KCNG3: variants seen among roughly 807,000 people sequenced by gnomAD.
The protein encoded by KCNG3 is potassium voltage-gated channel modifier subfamily G member 3.
KCNG3 carries 15 observed loss-of-function variants against 29.0 expected under a neutral mutation model. The ratio of observed to expected loss-of-function variants is 0.52; its 90% CI spans 0.35 to 0.80. The LOEUF is 0.80. Ranked by LOEUF, KCNG3 falls within the 30% of genes least tolerant of loss-of-function variation. The pLI, the probability that KCNG3 is intolerant of heterozygous loss-of-function variation, is 0.01. For synonymous variants in KCNG3, 322 were observed against 248.9 expected, an observed-to-expected ratio of 1.29 and a Z score of -2.76; for missense variants, 512 against 605.7, an observed-to-expected ratio of 0.85 and a Z score of 1.62.
chr2:42,423,817 A>AG, the KCNG3 span, among the ~76,000 whole-genome samples: 1 of 152,142 alleles, frequency 6.6e-6, no homozygotes, highest in Non-Finnish European at 1.5e-5. Flanking sequence ...AAAAAAAAAA[A>AG]AAGCAGATGA....
intron 1 of KCNG3, among the ~76,000 whole-genome samples, chr2:42,482,378 A>G (rs1673609269): frequency 6.6e-6 from 1 of 152,180 alleles, no homozygotes; most frequent in Admixed American, 6.5e-5. Context: ...CAGAAGTTCA[A>G]GACCAGAATG....
rs975880990 is a variant in KCNG3, at chr2:42,485,114, C to G, written c.665+7723G>C. On this transcript the variant is annotated intron_variant, in intron 1 of 1. Coordinates refer to ENST00000306078, the MANE Select transcript of KCNG3 (RefSeq NM_133329.6). ...CCATCACCTGGTGTTTCATTTTGATCATTTAATTTTTTTAATTGAGGATTA... is the reference window on the plus strand; with the variant it reads ...CCATCACCTGGTGTTTCATTTTGATGATTTAATTTTTTTAATTGAGGATTA... Among the ~76,000 whole-genome samples, 7 of 152,150 alleles carry G rather than the reference C, an allele frequency of 4.6e-5. No individual in the cohort carries two copies. The East Asian group carries it at 1.4e-3, about 29-fold the overall frequency.
intron 1 of KCNG3, among the ~76,000 whole-genome samples, chr2:42,485,601 T>C (rs368399610): frequency 1.3e-4 from 20 of 152,222 alleles, no homozygotes; most frequent in African/African-American, 4.8e-4. Flanking sequence ...CCCGCCACCA[T>C]GCCTAGCTAA....
the KCNG3 span, among the ~76,000 whole-genome samples, chr2:42,400,229 A>G: frequency 6.6e-6 from 1 of 152,180 alleles, no homozygotes; most frequent in Non-Finnish European, 1.5e-5. Context: ...ATGAAGCCCA[A>G]TTGGAAGGAA....
At chr2:42,437,939 C>A (rs1203833373), downstream of KCNG3, among the ~76,000 whole-genome samples, 7 of 74,834 alleles carry the variant, frequency 9.4e-5, no homozygotes, top group African/African-American at 1.4e-4. Flanking sequence ...ACTCTGTCTC[C>A]AAAAAAAAAA....
At chr2:42,465,564 A>C (rs1350578390) in intron 1 of KCNG3, among the ~76,000 whole-genome samples, 1 of 152,170 alleles carries the variant, frequency 6.6e-6, no homozygotes, top group Non-Finnish European at 1.5e-5. Context: ...GTGACTGAGC[A>C]AGTAGGCAAA....
the KCNG3 span, among the ~76,000 whole-genome samples, chr2:42,394,857 A>G: frequency 6.6e-6 from 1 of 152,210 alleles, no homozygotes; most frequent in Admixed American, 6.5e-5. Flanking sequence ...AACTTTCTAA[A>G]TTAATTGAGA....
chr2:42,404,228 TC>T, the KCNG3 span, among the ~76,000 whole-genome samples: 1 of 152,202 alleles, frequency 6.6e-6, no homozygotes, highest in Non-Finnish European at 1.5e-5. Context: ...AATTATCCAT[TC>T]CCCTAAGTTT....
At chr2:42,490,449 A>G (rs371484962) in intron 1 of KCNG3, among the ~76,000 whole-genome samples, 3 of 152,220 alleles carry the variant, frequency 2.0e-5, no homozygotes, top group African/African-American at 7.2e-5. Flanking sequence ...AAAATAAATG[A>G]CACTCCCTGC....
chr2:42,422,213 G>A, the KCNG3 span, among the ~76,000 whole-genome samples: 2 of 152,160 alleles, frequency 1.3e-5, no homozygotes, highest in African/African-American at 4.8e-5. Flanking sequence ...GTTGAGAGGT[G>A]GGACCTTTAA....
the KCNG3 span, among the ~76,000 whole-genome samples, chr2:42,404,037 T>C: frequency 6.6e-6 from 1 of 152,358 alleles, no homozygotes; most frequent in East Asian, 1.9e-4. Flanking sequence ...CTGGAACAAT[T>C]TGCATGATAT....
rs139692098 is a variant in KCNG3, at chr2:42,492,827, T to C, written c.665+10A>G. The C allele has an allele frequency of 4.0e-5, 59 of 1,471,738 alleles. No individual in the cohort carries two copies. The African/African-American group carries it at 8.0e-4, about 20-fold the overall frequency. The allele number at this position is 1,471,738 out of a possible 1,614,324, so 91.2% of individuals were successfully genotyped here. A position where few individuals can be genotyped will look rare whatever the true frequency, so the allele number is the denominator to read the frequency against. Reference sequence around the variant, plus strand: ...ACGGACGGGACGGGTAGAGAAGCAGTGCGTCCTACCCGGAGGGCTCCCTCC... The same window carrying C: ...ACGGACGGGACGGGTAGAGAAGCAGCGCGTCCTACCCGGAGGGCTCCCTCC... On this transcript the variant is annotated intron_variant, in intron 1 of 1. Coordinates refer to ENST00000306078, the MANE Select transcript of KCNG3 (RefSeq NM_133329.6).
downstream of KCNG3, among the ~76,000 whole-genome samples, chr2:42,440,694 T>C (rs558455321): frequency 1.4e-4 from 21 of 152,322 alleles, no homozygotes; most frequent in African/African-American, 5.1e-4. Context: ...TACAAATGGG[T>C]ACTTATAGGT....
At chr2:42,415,768 T>C in the KCNG3 span, among the ~76,000 whole-genome samples, 1 of 151,978 alleles carries the variant, frequency 6.6e-6, no homozygotes, top group African/African-American at 2.4e-5. Flanking sequence ...AAACCCTACT[T>C]GGCCATAAAA....
the KCNG3 span, among the ~76,000 whole-genome samples, chr2:42,394,930 C>A: frequency 2.0e-5 from 3 of 152,194 alleles, no homozygotes; most frequent in Non-Finnish European, 4.4e-5. Flanking sequence ...ACTCCAAATT[C>A]TCCTTGGTGT....
At chr2:42,421,170 G>A in the KCNG3 span, among the ~76,000 whole-genome samples, 1 of 152,192 alleles carries the variant, frequency 6.6e-6, no homozygotes, top group East Asian at 1.9e-4. Flanking sequence ...ATGCCAAAAT[G>A]TTAAAAATGA....
In KCNG3 at chr2:42,486,435, A is replaced by G. The variant is rs185353946; in HGVS notation, c.665+6402T>C. Reference sequence around the variant, plus strand: ...CTACCCAGTGGTGTTTTTAAAACACATATCATAGCTTTCATCTGCTTAAAA... The same window carrying G: ...CTACCCAGTGGTGTTTTTAAAACACGTATCATAGCTTTCATCTGCTTAAAA... On this transcript the variant is annotated intron_variant, in intron 1 of 1. Coordinates refer to ENST00000306078, the MANE Select transcript of KCNG3 (RefSeq NM_133329.6). 1.2e-4 allele frequency among the ~76,000 whole-genome samples: 19 copies of G among 152,330 alleles called. 1 individual carries two copies. The highest frequency in any genetic ancestry group is 1.2e-3 in the Admixed American group (18 of 15,298).
At position 42,443,795 on chromosome 2, in the gene KCNG3, T is replaced by C. The variant is rs1423694426; in HGVS notation, c.*139A>G. ...CATAACAAGTAAACTGTTTTATCCC[T>C]TCGGCTGGGAAGGATAATTTTTACC... On this transcript the variant is annotated 3_prime_UTR_variant, in exon 2 of 2. Coordinates refer to ENST00000306078, the MANE Select transcript of KCNG3 (RefSeq NM_133329.6). 4.0e-6 allele frequency: 3 copies of C among 759,302 alleles called. No homozygotes were observed. In the Admixed American group the frequency reaches 8.7e-5, roughly 22 times the overall value. 47.0% of individuals were successfully genotyped at this position (759,302 alleles called of 1,614,324 possible).
At chr2:42,423,930 A>G in the KCNG3 span, among the ~76,000 whole-genome samples, 2 of 152,302 alleles carry the variant, frequency 1.3e-5, no homozygotes, top group South Asian at 4.1e-4. Context: ...ATACATTTTA[A>G]AAATCAATTC....
Sources: allele counts gnomAD v4.1 joint callset (sites outside exome capture counted in the v4.1 genomes callset), GRCh38; gene constraint gnomAD v4.1.1; transcripts MANE v1.5; gene names NCBI Gene and HGNC (gene_info 2026-07-23, HGNC 2026-07-21).